Variants in SMG5 observed in about 807,000 individuals in gnomAD.
SMG5 encodes nonsense-mediated mRNA decay factor SMG5.
Under a neutral mutation model 122.9 loss-of-function variants are expected in SMG5, and 53 were observed. The ratio of observed to expected loss-of-function variants is 0.43; its 90% CI spans 0.35 to 0.54. The LOEUF is 0.54. Among genes scored for constraint, SMG5 ranks in the 20% least tolerant of loss-of-function variants. SMG5 has a pLI of 0.01. For missense variants in SMG5, 1,153 were observed against 1,285.6 expected (o/e 0.90, Z 1.58); for synonymous variants, 477 against 490.2 (o/e 0.97, Z 0.35).
chr1:156,282,801 T>A lies in SMG5; in HGVS notation c.-121A>T. ...CGCCACCGGCCCTGCTCGGCCGCCATCGCTGTGAGGCGGCTGCCCGCGACA... is the reference window on the plus strand; with the variant it reads ...CGCCACCGGCCCTGCTCGGCCGCCAACGCTGTGAGGCGGCTGCCCGCGACA... On this transcript the variant is annotated 5_prime_UTR_variant, in exon 1 of 22. It removes an upstream start codon present in the reference 5' UTR. Coordinates refer to ENST00000361813, the MANE Select transcript of SMG5 (RefSeq NM_015327.3). 1.8e-6 allele frequency: 2 copies of A among 1,113,630 alleles called. No homozygotes were observed. The highest frequency in any genetic ancestry group is 1.6e-5 in the South Asian group (1 of 61,648). The allele number at this position is 1,113,630 out of a possible 1,614,324, so 69.0% of individuals were successfully genotyped here.
At chr1:156,282,943 C>G (rs116604461), upstream of SMG5, 2,051 of 541,656 alleles carry the variant, frequency 3.8e-3, 40 homozygotes, top group African/African-American at 0.037. Context: ...CCAGAACTAA[C>G]TCTGGGCAGC....
At chr1:156,264,267 C>CAAAAAAAAAAAAAAAA (rs1205363773) in intron 12 of SMG5, among the ~76,000 whole-genome samples, 3 of 53,978 alleles carry the variant, frequency 5.6e-5, no homozygotes, top group African/African-American at 2.4e-4. Flanking sequence ...GACTCCGTCT[C>CAAAAAAAAAAAAAAAA]AAAAAAAAAA....
Position 156,266,189 on chromosome 1 carries a change from T to C in SMG5, c.1447A>G (p.Ser483Gly), listed in dbSNP as rs781260757. ...DLSEGFESDS[S>G]HDSARASEGS... is the part of the protein sequence containing the mutation. The stretch of plus-strand genomic sequence containing the variant: ...TCACTGGCCCGGGCTGAGTCATGGC[T>C]TGAGTCCGATTCAAAGCCTTCACTC... Residue 483 changes from serine to glycine, a missense_variant, in exon 12 of 22, where the codon AGC (serine) becomes GGC (glycine). Ser to Gly is a moderately conservative substitution (Grantham distance 56). Around this residue, in one of 5 missense-constraint regions of SMG5, gnomAD observed 631 missense variants for 650.6 expected, o/e 0.97. Transcript: ENST00000361813. 1 of 1,614,236 alleles carries C rather than the reference T, an allele frequency of 6.2e-7. No homozygotes were observed. Among genetic ancestry groups the C allele is most frequent in the Admixed American group, 1.7e-5 (1 of 60,022 alleles).
intron 7 of SMG5, among the ~76,000 whole-genome samples, chr1:156,269,008 T>C (rs1035615448): frequency 6.6e-6 from 1 of 151,550 alleles, no homozygotes; most frequent in Non-Finnish European, 1.5e-5. Flanking sequence ...TCTCACTCTA[T>C]CACCCTGGCT....
At chr1:156,261,890 CAAAAAAAAAA>C (rs61569049) in intron 13 of SMG5, among the ~76,000 whole-genome samples, 97 of 90,176 alleles carry the variant, frequency 1.1e-3, no homozygotes, top group Non-Finnish European at 1.7e-3. Flanking sequence ...AACTCCTTCT[CAAAAAAAAAA>C]AAAAAAAAAA....
chr1:156,274,638 T>C lies in SMG5; in HGVS notation c.503A>G (p.Gln168Arg), dbSNP rs1662595727. 1.2e-6 allele frequency: 2 copies of C among 1,614,060 alleles called. No homozygotes were observed. Among genetic ancestry groups the C allele is most frequent in the Non-Finnish European group, 1.7e-6 (2 of 1,179,918 alleles). ...SASGKEMDWA[Q>R]MACHRCLVYL... ...CACCAGACATCGGTGACATGCCATC[T>C]GTGCCCAATCCATCTCCTTCCCTGA... Residue 168 changes from glutamine (Q) to arginine (R), a missense_variant, in exon 5 of 22, where the codon CAG (glutamine) becomes CGG (arginine). By Grantham distance (43) the Gln-to-Arg change is conservative. Transcript: ENST00000361813.
intron 18 of SMG5, 57 bp downstream of exon 18, chr1:156,252,862 C>A: frequency 6.9e-7 from 1 of 1,459,398 alleles, no homozygotes; most frequent in Non-Finnish European, 9.1e-7. Context: ...CTCTTAATCC[C>A]AAGCCCAGAA....
At chr1:156,263,651 A>G (rs1661970103) in intron 12 of SMG5, 81 bp from the exon 13 acceptor site, 2 of 1,473,124 alleles carry the variant, frequency 1.4e-6, no homozygotes, top group Non-Finnish European at 1.8e-6. Flanking sequence ...CTGTGCAGGG[A>G]GCATGCTTCC....
In SMG5 at chr1:156,249,482, T is replaced by A. The variant is rs576880458; in HGVS notation, c.*1105A>T. ...TGAGGGGGAGGAGCTGAGGCAATCC[T>A]GGCTGCAGCCTCCCACACACAGCCC... On this transcript the variant is annotated 3_prime_UTR_variant, in exon 22 of 22. Coordinates refer to ENST00000361813, the MANE Select transcript of SMG5 (RefSeq NM_015327.3). The A allele has an allele frequency of 2.9e-5, 10 of 346,974 alleles. No individual in the cohort carries two copies. In the East Asian group the frequency reaches 7.7e-4, roughly 27 times the overall value. 21.5% of individuals were successfully genotyped at this position (346,974 alleles called of 1,614,324 possible). A position where few individuals can be genotyped will look rare whatever the true frequency, so the allele number is the denominator to read the frequency against.
intron 7 of SMG5, among the ~76,000 whole-genome samples, chr1:156,269,485 C>A (rs764484751): frequency 8.5e-5 from 13 of 152,068 alleles, no homozygotes; most frequent in Non-Finnish European, 1.9e-4. Flanking sequence ...ATCTGTAAAC[C>A]CAGCACTTTG....
At chr1:156,282,829 T>G (rs2101582678), upstream of SMG5, 6 of 772,710 alleles carry the variant, frequency 7.8e-6, no homozygotes, top group South Asian at 1.9e-5. Context: ...CCGCGACAGC[T>G]CCTCCTCCGC....
Position 156,268,195 on chromosome 1 carries a change from A to G in SMG5, c.840-12T>C. The G allele has an allele frequency of 6.2e-7, 1 of 1,614,192 alleles. No individual in the cohort carries two copies. Among genetic ancestry groups the G allele is most frequent in the Non-Finnish European group, 8.5e-7 (1 of 1,180,024 alleles). ...TAATGTCTTTACATCTGAAATGAGAAGAGCCCAAAGTAAATGCTGAATGGT... is the reference window on the plus strand; with the variant it reads ...TAATGTCTTTACATCTGAAATGAGAGGAGCCCAAAGTAAATGCTGAATGGT... On this transcript the variant is annotated splice_polypyrimidine_tract_variant and intron_variant, in intron 8 of 21. Transcript: ENST00000361813.
intron 1 of SMG5, 72 bp from the exon 2 acceptor site, chr1:156,279,106 T>A (rs974238218): frequency 4.9e-5 from 64 of 1,299,894 alleles, no homozygotes; most frequent in Non-Finnish European, 7.1e-5. Flanking sequence ...TGGGACACGA[T>A]TCTAGAGGAA....
rs1661308871 is a variant in SMG5 at position 156,250,700 on chromosome 1, G to A, written c.2968-30C>T. ...GGAATGGGAGAAGGAAAGATGGAGA[G>A]GGTCTGACCTCCTGAACTGAAGAGC... On this transcript the variant is annotated intron_variant, in intron 21 of 21. Transcript: ENST00000361813. 3 of 1,610,698 alleles carry A rather than the reference G, an allele frequency of 1.9e-6. No homozygotes were observed. The East Asian group carries it at 6.7e-5, about 36-fold the overall frequency.
rs1180302830 is a variant in SMG5, at chr1:156,249,677, C to T, written c.*910G>A. On this transcript the variant is annotated 3_prime_UTR_variant, in exon 22 of 22. Transcript: ENST00000361813. ...TTCAAGGAGCCTCTCCTTTCTGCTGCCCACTGAATGCCGGCCCCTTGTCTT... is the reference window on the plus strand; with the variant it reads ...TTCAAGGAGCCTCTCCTTTCTGCTGTCCACTGAATGCCGGCCCCTTGTCTT... The T allele has an allele frequency of 2.2e-6, 1 of 459,826 alleles. No individual in the cohort carries two copies. The highest frequency in any genetic ancestry group is 7.0e-5 in the East Asian group (1 of 14,296). The allele number at this position is 459,826 out of a possible 1,614,324, so 28.5% of individuals were successfully genotyped here.
At chr1:156,274,163 G>A (rs575845018) in intron 5 of SMG5, among the ~76,000 whole-genome samples, 6 of 152,156 alleles carry the variant, frequency 3.9e-5, no homozygotes, top group East Asian at 1.9e-4. Context: ...GAGGCCCCAG[G>A]GGCTATAAAG....
At chr1:156,254,121 G>C (rs540910046) in intron 16 of SMG5, among the ~76,000 whole-genome samples, 1 of 152,274 alleles carries the variant, frequency 6.6e-6, no homozygotes, top group African/African-American at 2.4e-5. Flanking sequence ...TCCCTGTCCT[G>C]TCAATTGTGC....
chr1:156,260,329 A>G lies in SMG5; in HGVS notation c.2283+122T>C. ...GAAGGAAGCACAGCCTGTAGCCCCA[A>G]GGACACTGTCCCTGTCTGAGTGGAA... On this transcript the variant is annotated intron_variant, in intron 15 of 21. Coordinates refer to ENST00000361813, the MANE Select transcript of SMG5 (RefSeq NM_015327.3). 3 of 1,202,382 alleles carry G rather than the reference A, an allele frequency of 2.5e-6. No homozygotes were observed. In the South Asian group the frequency reaches 4.4e-5, roughly 18 times the overall value. The allele number at this position is 1,202,382 out of a possible 1,614,324, so 74.5% of individuals were successfully genotyped here.
upstream of SMG5, chr1:156,285,319 G>A (rs756706773): frequency 1.9e-6 from 3 of 1,573,548 alleles, no homozygotes; most frequent in Non-Finnish European, 2.6e-6. Context: ...CCAATGGCCG[G>A]CAGCCAGAAG....
Sources: gnomAD v4.1 joint callset for allele counts (sites outside exome capture counted in the v4.1 genomes callset) on GRCh38, gnomAD v4.1.1 for gene constraint, gnomAD v4.1.1 regional missense constraint, MANE v1.5 for transcripts, NCBI Gene and HGNC (gene_info 2026-07-23, HGNC 2026-07-21) for gene names.